ACSBG2: variants seen among roughly 807,000 people sequenced by gnomAD.
ACSBG2 encodes the protein long-chain-fatty-acid--CoA ligase ACSBG2.
A neutral mutation model predicts 74.7 loss-of-function variants in ACSBG2; 62 were observed. The observed-to-expected ratio is 0.83, with a 90% CI of 0.68 to 1.03. The LOEUF (loss-of-function observed/expected upper bound fraction) is 1.03. Among genes scored for constraint, ACSBG2 ranks in the 50% least tolerant of loss-of-function variants. The probability of loss-of-function intolerance (pLI) is 0.00; values close to 1 mark genes in which losing one functional copy is unlikely to be tolerated. For synonymous variants in ACSBG2, 309 were observed against 294.1 expected, an observed-to-expected ratio of 1.05 and a Z score of -0.52; for missense variants, 730 against 817.6, an observed-to-expected ratio of 0.89 and a Z score of 1.31.
chr19:6,177,035 C>T (rs932071384), intron 7 of ACSBG2, among the ~76,000 whole-genome samples, 194 bp from the exon 8 acceptor site: 1 of 151,780 alleles, frequency 6.6e-6, no homozygotes, highest in African/African-American at 2.4e-5. Context: ...GTGGTGTGTG[C>T]CTATAGTACC....
intron 1 of ACSBG2, among the ~76,000 whole-genome samples, 182 bp from the exon 2 acceptor site, chr19:6,141,331 G>T (rs553932430): frequency 6.6e-6 from 1 of 152,046 alleles, no homozygotes; most frequent in Admixed American, 6.6e-5. Context: ...ATACCCTCTG[G>T]GTTTTACAAA....
chr19:6,189,230 A>G (rs1300245253), intron 13 of ACSBG2, among the ~76,000 whole-genome samples: 3 of 152,016 alleles, frequency 2.0e-5, no homozygotes, highest in African/African-American at 7.3e-5. Flanking sequence ...TTAATATTTC[A>G]CCCAGTAGCT....
Position 6,185,653 on chromosome 19 carries a change from G to A in ACSBG2, c.1540G>A (p.Glu514Lys), listed in dbSNP as rs1568256112. The A allele has an allele frequency of 6.2e-7, 1 of 1,613,932 alleles. No homozygotes were observed. Among genetic ancestry groups the A allele is most frequent in the Non-Finnish European group, 8.5e-7 (1 of 1,180,006 alleles). ...CCTCTATGTCACCGGCCACATCAAA[G>A]GTACCAGGGGCTGAGCTCTTTGGGA... ...GFLYVTGHIK[E>K]ILITAGGENV... The change falls in exon 11 of 15, where the codon GAA (glutamate) becomes AAA (lysine). Residue 514 changes from glutamate (E) to lysine (K), a missense_variant and splice_region_variant. Glu to Lys is a moderately conservative substitution (Grantham distance 56, BLOSUM62 1). Coordinates refer to ENST00000588485, the MANE Select transcript of ACSBG2 (RefSeq NM_030924.5).
Position 6,177,329 on chromosome 19 carries a change from T to C in ACSBG2, c.839T>C (p.Met280Thr), listed in dbSNP as rs780028236. ...CCACTCAGCCATATTGCAGCACAGA[T>C]GATGGACATCTGGGTACCCATAAAG... ...YLPLSHIAAQ[M>T]MDIWVPIKIG... The change falls in exon 8 of 15, where the codon ATG becomes ACG. Residue 280 changes from methionine (M) to threonine (T), a missense_variant. Transcript: ENST00000588485. The C allele has an allele frequency of 2.5e-6, 4 of 1,613,398 alleles. No homozygotes were observed. Among genetic ancestry groups the C allele is most frequent in the Non-Finnish European group, 3.4e-6 (4 of 1,179,824 alleles).
rs75515098 is a variant in ACSBG2, at chr19:6,158,899, C to G, written c.508-2316C>G. 8.7e-4 allele frequency among the ~76,000 whole-genome samples: 132 copies of G among 152,292 alleles called. 1 individual carries two copies. In the East Asian group the frequency reaches 0.016, roughly 19 times the overall value. ...GTTCAGGAAGGACAGACCTCCACCT[C>G]TGGCCTAGAGCTTTTAAAAATTCTT... On this transcript the variant is annotated intron_variant, in intron 5 of 14. Coordinates refer to ENST00000588485, the MANE Select transcript of ACSBG2 (RefSeq NM_030924.5).
rs16993453 is a variant in ACSBG2 at position 6,187,646 on chromosome 19, C to A, written c.1728C>A (p.Phe576Leu). ...MSGEPLDKLNFEAINFCRGLG... is the reference protein window; with the variant it reads ...MSGEPLDKLNLEAINFCRGLG... ...GAGAACCTCTGGACAAGCTGAACTT[C>A]GAGGCCATCAACTTCTGTCGGGGTC... The change falls in exon 13 of 15, where the codon TTC becomes TTA. Residue 576 changes from phenylalanine (F) to leucine (L), a missense_variant. By Grantham distance (22) the Phe-to-Leu change is conservative. Transcript: ENST00000588485. 2 of 1,613,892 alleles carry A rather than the reference C, an allele frequency of 1.2e-6. No homozygotes were observed. The highest frequency in any genetic ancestry group is 3.3e-5 in the Admixed American group (2 of 60,002).
rs761054691 is a variant in ACSBG2 at position 6,185,658 on chromosome 19, CA to C, written c.1540+6del. On this transcript the variant is annotated splice_donor_region_variant and intron_variant, in intron 11 of 14. Coordinates refer to ENST00000588485, the MANE Select transcript of ACSBG2 (RefSeq NM_030924.5). Reference sequence around the variant, plus strand: ...ATGTCACCGGCCACATCAAAGGTACCAGGGGCTGAGCTCTTTGGGAATCTCC... The same window carrying C: ...ATGTCACCGGCCACATCAAAGGTACCGGGGCTGAGCTCTTTGGGAATCTCC... 3.1e-6 allele frequency: 5 copies of C among 1,613,944 alleles called. No homozygotes were observed. In the Admixed American group the frequency reaches 8.3e-5, roughly 27 times the overall value.
chr19:6,154,402 AAGAGAG>A (rs547084046), intron 4 of ACSBG2, among the ~76,000 whole-genome samples: 20 of 83,268 alleles, frequency 2.4e-4, no homozygotes, highest in East Asian at 3.7e-4. Context: ...CCGTCTCAAA[AAGAGAG>A]AGAGAGAGAG....
At chr19:6,137,091 A>G (rs913472087) in intron 1 of ACSBG2, among the ~76,000 whole-genome samples, 1 of 151,710 alleles carries the variant, frequency 6.6e-6, no homozygotes, top group Non-Finnish European at 1.5e-5. Context: ...TTATTTGCCC[A>G]TTTTGCATTG....
chr19:6,146,658 G>A (rs772488256), intron 2 of ACSBG2, among the ~76,000 whole-genome samples: 2 of 152,042 alleles, frequency 1.3e-5, no homozygotes, highest in Non-Finnish European at 2.9e-5. Context: ...CCAGCTACTC[G>A]GGAGGCTGAG....
At chr19:6,140,377 G>T (rs975914018) in intron 1 of ACSBG2, among the ~76,000 whole-genome samples, 1 of 152,022 alleles carries the variant, frequency 6.6e-6, no homozygotes, top group African/African-American at 2.4e-5. Flanking sequence ...GCTACTGATG[G>T]GTTAAAGACC....
chr19:6,159,103 G>A (rs2089522969), intron 5 of ACSBG2, among the ~76,000 whole-genome samples: 1 of 152,034 alleles, frequency 6.6e-6, no homozygotes, highest in African/African-American at 2.4e-5. Flanking sequence ...GACTACAGGT[G>A]CACACCACCA....
chr19:6,148,795 C>A (rs1415235613), intron 3 of ACSBG2, among the ~76,000 whole-genome samples: 2 of 152,060 alleles, frequency 1.3e-5, no homozygotes, highest in African/African-American at 4.8e-5. Flanking sequence ...TAAAGGTCCC[C>A]CTCCTCCCGT....
chr19:6,179,293 A>ATTTTTTTT (rs1169472742), intron 8 of ACSBG2, among the ~76,000 whole-genome samples: 1 of 118,592 alleles, frequency 8.4e-6, no homozygotes. Context: ...TCTTTTCTAA[A>ATTTTTTTT]TTTTTTTTTT....
At chr19:6,173,270 G>A (rs1329554207) in intron 7 of ACSBG2, among the ~76,000 whole-genome samples, 1 of 152,166 alleles carries the variant, frequency 6.6e-6, no homozygotes, top group African/African-American at 2.4e-5. Context: ...GGGGAATCTG[G>A]TGGTGCAGTG....
chr19:6,190,849 ACACTCT>A, intron 14 of ACSBG2, 157 bp downstream of exon 14: 1 of 546,288 alleles, frequency 1.8e-6, no homozygotes, highest in Non-Finnish European at 3.3e-6. Flanking sequence ...ACACACACAC[ACACTCT>A]TAGTTGCAGT....
At chr19:6,139,277 G>A (rs2088728037) in intron 1 of ACSBG2, among the ~76,000 whole-genome samples, 1 of 151,916 alleles carries the variant, frequency 6.6e-6, no homozygotes, top group Non-Finnish European at 1.5e-5. Flanking sequence ...TTTTAATAGA[G>A]ACAGGGTTTC....
intron 4 of ACSBG2, among the ~76,000 whole-genome samples, chr19:6,152,773 G>A (rs904019491): frequency 1.3e-5 from 2 of 151,918 alleles, no homozygotes; most frequent in Non-Finnish European, 2.9e-5. Context: ...AAAAGTCGGG[G>A]ACAACCTAAG....
chr19:6,152,609 C>T (rs1479677990), intron 4 of ACSBG2, among the ~76,000 whole-genome samples: 1 of 142,922 alleles, frequency 7.0e-6, no homozygotes, highest in Non-Finnish European at 1.5e-5. Context: ...AGGCTGTAAT[C>T]GTGAAAAAAA....
Sources: gnomAD v4.1 joint callset for allele counts (sites outside exome capture counted in the v4.1 genomes callset) on GRCh38, gnomAD v4.1.1 for gene constraint, MANE v1.5 for transcripts, NCBI Gene and HGNC (gene_info 2026-07-23, HGNC 2026-07-21) for gene names.